IPCEF1: variants seen among roughly 807,000 people sequenced by gnomAD.
IPCEF1 encodes the protein interactor protein for cytohesin exchange factors 1.
IPCEF1 carries 31 observed loss-of-function variants against 50.9 expected under a neutral mutation model. That is an observed-to-expected ratio of 0.61 (90% CI 0.46 to 0.82). The LOEUF is 0.82. Among genes scored for constraint, IPCEF1 ranks in the 40% least tolerant of loss-of-function variants. IPCEF1 has a pLI of 0.00. For missense variants in IPCEF1, 458 were observed against 514.0 expected (o/e 0.89, Z 1.05); for synonymous variants, 181 against 192.0 (o/e 0.94, Z 0.47).
intron 5 of IPCEF1, among the ~76,000 whole-genome samples, chr6:154,242,133 GT>G (rs1420769853): frequency 2.6e-4 from 40 of 152,252 alleles, no homozygotes; most frequent in African/African-American, 9.4e-4. Context: ...GGCACAGCTC[GT>G]TTATATTTTC....
intron 5 of IPCEF1, among the ~76,000 whole-genome samples, chr6:154,224,907 G>A (rs1299291685): frequency 6.6e-6 from 1 of 152,050 alleles, no homozygotes; most frequent in Non-Finnish European, 1.5e-5. Context: ...AGAATATAAG[G>A]TATTCAAAGA....
chr6:154,205,455 C>T lies in IPCEF1; in HGVS notation c.538-5415G>A, dbSNP rs567800323. Reference sequence around the variant, plus strand: ...ACTAAAAATACAAAAATTAGCTGGGCGTGGTGGTGCAAGCCTGTAATCCCA... The same window carrying T: ...ACTAAAAATACAAAAATTAGCTGGGTGTGGTGGTGCAAGCCTGTAATCCCA... On this transcript the variant is annotated intron_variant, in intron 9 of 11. Coordinates refer to ENST00000367220, the MANE Select transcript of IPCEF1 (RefSeq NM_001130700.2). Among the ~76,000 whole-genome samples, 526 of 152,066 alleles carry T rather than the reference C, an allele frequency of 3.5e-3. 4 individuals are homozygous for T. Among genetic ancestry groups the T allele is most frequent in the African/African-American group, 0.011 (469 of 41,478 alleles).
intron 1 of IPCEF1, among the ~76,000 whole-genome samples, chr6:154,341,826 C>T (rs117759149): frequency 0.024 from 3,671 of 152,190 alleles, 75 homozygotes; most frequent in Middle Eastern, 0.048. Context: ...TTATATTAAA[C>T]CTTAATAATT....
rs551188574 is a variant in IPCEF1, at chr6:154,160,877, C to T, written c.1105-837G>A. Among the ~76,000 whole-genome samples the T allele has an allele frequency of 2.4e-3, 360 of 152,284 alleles. 1 individual carries two copies. Among genetic ancestry groups the T allele is most frequent in the African/African-American group, 8.4e-3 (351 of 41,550 alleles). On this transcript the variant is annotated intron_variant, in intron 11 of 11. Transcript: ENST00000367220. ...TGATCTGCTGCCACAGCCTCCTGAG[C>T]GAGACCACTGCCTCCAATGCCCACT...
In IPCEF1 at chr6:154,310,050, C is replaced by T. The variant is rs1413538040; in HGVS notation, c.-61-20294G>A. ...AACTGCTAGGATCACAGGCGTGAGCCACCACACCCGGCCGTCGCTGTGCAT... is the reference window on the plus strand; with the variant it reads ...AACTGCTAGGATCACAGGCGTGAGCTACCACACCCGGCCGTCGCTGTGCAT... On this transcript the variant is annotated intron_variant, in intron 1 of 11. Transcript: ENST00000367220. Among the ~76,000 whole-genome samples the T allele has an allele frequency of 2.6e-5, 4 of 152,330 alleles. No homozygotes were observed. The South Asian group carries it at 8.3e-4, about 32-fold the overall frequency.
At chr6:154,312,005 T>C (rs1288361863) in intron 1 of IPCEF1, among the ~76,000 whole-genome samples, 1 of 149,762 alleles carries the variant, frequency 6.7e-6, no homozygotes, top group East Asian at 1.9e-4. Flanking sequence ...AAGAGATGTC[T>C]ATACCCCCAC....
At chr6:154,257,726 G>C (rs1583913548) in intron 3 of IPCEF1, among the ~76,000 whole-genome samples, 1 of 152,044 alleles carries the variant, frequency 6.6e-6, no homozygotes, top group East Asian at 1.9e-4. Context: ...TTGAGACAGG[G>C]TCTTGCTTTT....
intron 9 of IPCEF1, among the ~76,000 whole-genome samples, chr6:154,206,168 C>T (rs1408114075): frequency 1.3e-5 from 2 of 152,148 alleles, no homozygotes; most frequent in African/African-American, 4.8e-5. Flanking sequence ...AGTGATATCC[C>T]ATAAAGAATA....
chr6:154,238,441 A>T (rs541471698), intron 5 of IPCEF1, among the ~76,000 whole-genome samples: 22 of 151,944 alleles, frequency 1.4e-4, no homozygotes, highest in African/African-American at 2.9e-4. Context: ...ATATATATAT[A>T]TTTTAATACA....
At chr6:154,335,835 A>C (rs1261785364) in intron 1 of IPCEF1, among the ~76,000 whole-genome samples, 1 of 152,216 alleles carries the variant, frequency 6.6e-6, no homozygotes, top group Non-Finnish European at 1.5e-5. Context: ...AAATGAGCAA[A>C]GGACATGAAT....
At chr6:154,185,599 C>A (rs1277516162) in intron 10 of IPCEF1, among the ~76,000 whole-genome samples, 1 of 152,098 alleles carries the variant, frequency 6.6e-6, no homozygotes, top group Non-Finnish European at 1.5e-5. Context: ...ATGCCATATG[C>A]TTATTATAAA....
chr6:154,340,188 C>T (rs1329630546), intron 1 of IPCEF1, among the ~76,000 whole-genome samples: 1 of 152,028 alleles, frequency 6.6e-6, no homozygotes. Context: ...GAAGTCTTGA[C>T]GACATGTGCC....
chr6:154,223,053 T>A (rs1583839331), intron 6 of IPCEF1, 117 bp downstream of exon 6: 2 of 814,550 alleles, frequency 2.5e-6, no homozygotes, highest in East Asian at 5.2e-5. Flanking sequence ...ATGCTTCAAA[T>A]TCTCAGACAT....
chr6:154,256,568 CGTGT>C (rs67830808), intron 3 of IPCEF1, among the ~76,000 whole-genome samples: 16 of 147,646 alleles, frequency 1.1e-4, no homozygotes, highest in South Asian at 2.2e-4. Flanking sequence ...TCTCTCTGTG[CGTGT>C]GTGTGTGTGT....
At chr6:154,203,380 A>G (rs1220909089) in intron 9 of IPCEF1, among the ~76,000 whole-genome samples, 1 of 152,162 alleles carries the variant, frequency 6.6e-6, no homozygotes, top group African/African-American at 2.4e-5. Flanking sequence ...CATTTTGTGT[A>G]TCAACTTACA....
At chr6:154,214,489 G>A (rs1216109947) in intron 7 of IPCEF1, among the ~76,000 whole-genome samples, 4 of 152,158 alleles carry the variant, frequency 2.6e-5, no homozygotes, top group Admixed American at 1.3e-4. Flanking sequence ...AAGATGTGAG[G>A]TGGCCCATTA....
intron 1 of IPCEF1, among the ~76,000 whole-genome samples, chr6:154,314,839 C>A (rs1783171994): frequency 1.3e-5 from 2 of 151,486 alleles, no homozygotes; most frequent in South Asian, 4.2e-4. Flanking sequence ...CCTTTCCCTT[C>A]AGGGCCCCAT....
chr6:154,256,436 T>A (rs747095874), intron 3 of IPCEF1, among the ~76,000 whole-genome samples: 3 of 152,170 alleles, frequency 2.0e-5, no homozygotes, highest in Non-Finnish European at 4.4e-5. Flanking sequence ...TATGATAGAA[T>A]TTAAATTTGC....
At chr6:154,250,990 G>A (rs1017346725) in intron 3 of IPCEF1, among the ~76,000 whole-genome samples, 2 of 152,060 alleles carry the variant, frequency 1.3e-5, no homozygotes, top group Non-Finnish European at 2.9e-5. Flanking sequence ...TGATAGAGCT[G>A]TTAGGGATGT....
Sources: allele counts gnomAD v4.1 joint callset (sites outside exome capture counted in the v4.1 genomes callset), GRCh38; gene constraint gnomAD v4.1.1; transcripts MANE v1.5; gene names NCBI Gene and HGNC (gene_info 2026-07-23, HGNC 2026-07-21).